TMEM132B: variants seen among roughly 807,000 people sequenced by gnomAD.
TMEM132B encodes the protein transmembrane protein 132B.
TMEM132B carries 18 observed loss-of-function variants against 90.8 expected under a neutral mutation model. That is an observed-to-expected ratio of 0.20 (90% CI 0.14 to 0.29). The LOEUF (loss-of-function observed/expected upper bound fraction) is 0.29. Among genes scored for constraint, TMEM132B ranks in the 10% least tolerant of loss-of-function variants. The pLI is 1.00. For synonymous variants in TMEM132B, 504 were observed against 523.3 expected (o/e 0.96, Z 0.50); for missense variants, 1,096 against 1,326.8 (o/e 0.83, Z 2.70).
At chr12:125,613,347 A>T (rs1885909252) in intron 5 of TMEM132B, among the ~76,000 whole-genome samples, 1 of 149,750 alleles carries the variant, frequency 6.7e-6, no homozygotes, top group Admixed American at 6.8e-5. Context: ...TTATCTTTGA[A>T]TTCAAAATAT....
At chr12:125,489,742 G>C (rs776471087) in intron 3 of TMEM132B, among the ~76,000 whole-genome samples, 2 of 152,138 alleles carry the variant, frequency 1.3e-5, no homozygotes, top group Non-Finnish European at 2.9e-5. Context: ...CACATTAGAA[G>C]CTGGGAGTTT....
intron 3 of TMEM132B, among the ~76,000 whole-genome samples, chr12:125,424,887 A>G (rs1880271186): frequency 6.6e-6 from 1 of 152,198 alleles, no homozygotes; most frequent in South Asian, 2.1e-4. Context: ...ATGACAAATT[A>G]CTAAGAGGAG....
intron 4 of TMEM132B, among the ~76,000 whole-genome samples, chr12:125,524,513 T>C (rs548138570): frequency 6.6e-6 from 1 of 152,358 alleles, no homozygotes; most frequent in African/African-American, 2.4e-5. Context: ...TCACTCAATC[T>C]TTCTGAAGCT....
At chr12:125,295,050 A>G (rs573549487) in intron 1 of TMEM132B, among the ~76,000 whole-genome samples, 1 of 152,240 alleles carries the variant, frequency 6.6e-6, no homozygotes, top group Non-Finnish European at 1.5e-5. Flanking sequence ...TTTTTCTACT[A>G]GAGGCAAAGG....
At chr12:125,527,554 TTCCATCCACCCA>T (rs1172482190) in intron 4 of TMEM132B, among the ~76,000 whole-genome samples, 1 of 125,482 alleles carries the variant, frequency 8.0e-6, no homozygotes, top group African/African-American at 3.4e-5. Flanking sequence ...CCATCCACCC[TTCCATCCACCCA>T]TCCACCCTTC....
At chr12:125,648,891 C>G (rs1197467076) in intron 6 of TMEM132B, among the ~76,000 whole-genome samples, 1 of 152,146 alleles carries the variant, frequency 6.6e-6, no homozygotes, top group Non-Finnish European at 1.5e-5. Context: ...TGAGTAGACA[C>G]TATTGCCTGC....
chr12:125,300,658 T>G (rs1159041899), intron 1 of TMEM132B, among the ~76,000 whole-genome samples: 1 of 152,210 alleles, frequency 6.6e-6, no homozygotes, highest in Non-Finnish European at 1.5e-5. Context: ...CATTTAATCC[T>G]CATAGCAACT....
At chr12:125,329,662 C>T (rs1412069655) in intron 1 of TMEM132B, among the ~76,000 whole-genome samples, 1 of 152,168 alleles carries the variant, frequency 6.6e-6, no homozygotes, top group African/African-American at 2.4e-5. Flanking sequence ...GCTGTCGTGG[C>T]TTTGTCCCCA....
intron 4 of TMEM132B, among the ~76,000 whole-genome samples, chr12:125,583,221 A>G (rs555827322): frequency 6.6e-6 from 1 of 152,270 alleles, no homozygotes; most frequent in African/African-American, 2.4e-5. Flanking sequence ...ATTAGAACCT[A>G]CAGAACTCTG....
At position 125,459,986 on chromosome 12, in the gene TMEM132B, C is replaced by T. The variant is rs1881393686; in HGVS notation, c.1106+44309C>T. On this transcript the variant is annotated intron_variant, in intron 3 of 8. Transcript: ENST00000682704. The surrounding 1 kb of genome is among the most constrained non-coding windows in gnomAD (Gnocchi z 4.1). ...TCACCTTCCACCATGATTGTGAGGC[C>T]TCCCCAGCCATGTGGGAGTGTGAGC... Among the ~76,000 whole-genome samples, 2 of 152,166 alleles carry T rather than the reference C, an allele frequency of 1.3e-5. No homozygotes were observed. Among genetic ancestry groups the T allele is most frequent in the African/African-American group, 4.8e-5 (2 of 41,422 alleles).
intron 1 of TMEM132B, among the ~76,000 whole-genome samples, chr12:125,307,784 ACAAG>A (rs1565998240): frequency 4.3e-3 from 617 of 145,010 alleles, no homozygotes; most frequent in Non-Finnish European, 6.5e-3. Flanking sequence ...TACTTATAAT[ACAAG>A]TATATTACAA....
Position 125,349,380 on chromosome 12 carries a change from G to A in TMEM132B, c.68-72G>A, listed in dbSNP as rs1877475220. ...GGGCGGTTTGTTGGGGAGGTGGGTG[G>A]AGACTGCACTGCATTTATTTCATTA... On this transcript the variant is annotated intron_variant, in intron 1 of 8. Transcript: ENST00000682704. The surrounding 1 kb of genome is among the most constrained non-coding windows in gnomAD (Gnocchi z 4.1). The A allele has an allele frequency of 6.6e-7, 1 of 1,511,864 alleles. No individual in the cohort carries two copies. Among genetic ancestry groups the A allele is most frequent in the Non-Finnish European group, 8.9e-7 (1 of 1,127,300 alleles). 93.7% of individuals were successfully genotyped at this position (1,511,864 alleles called of 1,614,324 possible).
intron 3 of TMEM132B, among the ~76,000 whole-genome samples, chr12:125,505,836 A>C (rs1882833328): frequency 6.6e-6 from 1 of 152,266 alleles, no homozygotes; most frequent in Admixed American, 6.5e-5. Flanking sequence ...GACAATGTTA[A>C]TTAAAAGGGC....
intron 3 of TMEM132B, among the ~76,000 whole-genome samples, chr12:125,518,432 A>T (rs1391556271): frequency 6.6e-6 from 1 of 152,168 alleles, no homozygotes; most frequent in Non-Finnish European, 1.5e-5. Flanking sequence ...TTGGCAGAGA[A>T]GGAGCTGCTG....
intron 5 of TMEM132B, among the ~76,000 whole-genome samples, chr12:125,643,583 A>C (rs1886683532): frequency 6.6e-6 from 1 of 152,220 alleles, no homozygotes; most frequent in Admixed American, 6.5e-5. Context: ...AATGCATTTC[A>C]CAACTATTTT....
intron 1 of TMEM132B, among the ~76,000 whole-genome samples, chr12:125,323,594 C>A (rs546826816): frequency 6.6e-6 from 1 of 152,186 alleles, no homozygotes; most frequent in South Asian, 2.1e-4. Flanking sequence ...TCTCAGCTCA[C>A]TGCAACCTCT....
At chr12:125,636,813 T>C (rs1189889585) in intron 5 of TMEM132B, among the ~76,000 whole-genome samples, 1 of 152,222 alleles carries the variant, frequency 6.6e-6, no homozygotes, top group Non-Finnish European at 1.5e-5. Context: ...TGTCTTGAGA[T>C]TATCTCACAT....
At chr12:125,470,335 C>T (rs1881678894) in intron 3 of TMEM132B, among the ~76,000 whole-genome samples, 1 of 152,228 alleles carries the variant, frequency 6.6e-6, no homozygotes, top group African/African-American at 2.4e-5. Context: ...TTGTCTACTA[C>T]AGAGTGGTCT....
intron 1 of TMEM132B, among the ~76,000 whole-genome samples, chr12:125,233,876 A>C (rs941742351): frequency 2.0e-5 from 3 of 152,198 alleles, no homozygotes; most frequent in African/African-American, 7.2e-5. Flanking sequence ...GCCTCCCCGT[A>C]GATCCTGGCA....
Sources: allele counts gnomAD v4.1 joint callset (sites outside exome capture counted in the v4.1 genomes callset), GRCh38; gene constraint gnomAD v4.1.1; non-coding constraint Gnocchi (gnomAD v3.1); transcripts MANE v1.5; gene names NCBI Gene and HGNC (gene_info 2026-07-23, HGNC 2026-07-21).